The following PLXDC2 variants were observed in gnomAD, a reference collection of about 807,000 sequenced individuals.
PLXDC2 encodes plexin domain-containing protein 2.
Under a neutral mutation model 68.9 loss-of-function variants are expected in PLXDC2, and 40 were observed. That is an observed-to-expected ratio of 0.58 (90% CI 0.45 to 0.76). The LOEUF is 0.76. Among genes scored for constraint, PLXDC2 ranks in the 30% least tolerant of loss-of-function variants. The pLI is 0.00. For missense variants in PLXDC2, 644 were observed against 661.9 expected, an observed-to-expected ratio of 0.97 and a Z score of 0.30; for synonymous variants, 243 against 234.2, an observed-to-expected ratio of 1.04 and a Z score of -0.34.
chr10:20,230,693 CAAAAAAAAA>C (rs1191613913), intron 12 of PLXDC2, among the ~76,000 whole-genome samples: 2 of 37,802 alleles, frequency 5.3e-5, no homozygotes, highest in Non-Finnish European at 1.0e-4. Context: ...GACCTTGTCT[CAAAAAAAAA>C]AAAAAAAAAA....
At chr10:19,863,157 G>A (rs933338172) in intron 1 of PLXDC2, among the ~76,000 whole-genome samples, 4 of 152,098 alleles carry the variant, frequency 2.6e-5, no homozygotes, top group African/African-American at 7.2e-5. Flanking sequence ...TAATGGCATC[G>A]GAGAAACTAA....
At chr10:20,049,223 A>G (rs993784169) in intron 3 of PLXDC2, among the ~76,000 whole-genome samples, 1 of 152,144 alleles carries the variant, frequency 6.6e-6, no homozygotes, top group Non-Finnish European at 1.5e-5. Context: ...AAGTAATAAG[A>G]GCCATCTATG....
Position 20,046,858 on chromosome 10 carries a change from T to C in PLXDC2, c.325-11T>C. ...TCGGTTCTTGATATACATTATTATCTATTATTGCAGGAGGATACAGACCAC... is the reference window on the plus strand; with the variant it reads ...TCGGTTCTTGATATACATTATTATCCATTATTGCAGGAGGATACAGACCAC... On this transcript the variant is annotated splice_polypyrimidine_tract_variant and intron_variant, in intron 2 of 13. Transcript: ENST00000377252. 1 of 1,592,504 alleles carries C rather than the reference T, an allele frequency of 6.3e-7. No homozygotes were observed. Among genetic ancestry groups the C allele is most frequent in the Non-Finnish European group, 8.5e-7 (1 of 1,172,088 alleles).
chr10:19,882,105 A>G (rs1380580115), intron 1 of PLXDC2, among the ~76,000 whole-genome samples: 2 of 152,216 alleles, frequency 1.3e-5, no homozygotes, highest in African/African-American at 4.8e-5. Context: ...TGACTAGTAG[A>G]TGTTTCTCAT....
chr10:20,089,972 C>G (rs1331547053), intron 4 of PLXDC2, among the ~76,000 whole-genome samples: 1 of 152,118 alleles, frequency 6.6e-6, no homozygotes, highest in Non-Finnish European at 1.5e-5. Flanking sequence ...GAAGGCTCAT[C>G]GTTGCCTTGA....
chr10:20,096,501 C>T (rs1417187879), intron 4 of PLXDC2, among the ~76,000 whole-genome samples: 7 of 151,800 alleles, frequency 4.6e-5, no homozygotes, highest in African/African-American at 1.5e-4. Context: ...TTTAAACAGC[C>T]AGCAGCAGCA....
chr10:20,208,287 G>A (rs1170586924), intron 9 of PLXDC2, among the ~76,000 whole-genome samples: 1 of 152,152 alleles, frequency 6.6e-6, no homozygotes, highest in Non-Finnish European at 1.5e-5. Context: ...TCACAATCAT[G>A]GTGGAAGGCA....
In PLXDC2 at chr10:20,047,463, A is replaced by G. The variant is rs535067529; in HGVS notation, c.471+448A>G. On this transcript the variant is annotated intron_variant, in intron 3 of 13. Transcript: ENST00000377252. ...GTCATTTATGACTTAGATAACATAT[A>G]TAGACCAAATTATGATCTTAAATGA... is the stretch of plus-strand genomic sequence containing the variant. Among the ~76,000 whole-genome samples the G allele has an allele frequency of 5.3e-5, 8 of 152,306 alleles. No individual in the cohort carries two copies. The South Asian group carries it at 1.7e-3, about 32-fold the overall frequency.
rs1837860694 is a variant in PLXDC2, at chr10:19,887,093, A to T, written c.112+69902A>T. 2.0e-5 allele frequency among the ~76,000 whole-genome samples: 3 copies of T among 152,186 alleles called. No homozygotes were observed. The South Asian group carries it at 6.2e-4, about 31-fold the overall frequency. ...CCCAGAACACCCTACTTTGAAAACCACTAGTTAGGATATTGGTATGTGTTT... is the reference window on the plus strand; with the variant it reads ...CCCAGAACACCCTACTTTGAAAACCTCTAGTTAGGATATTGGTATGTGTTT... On this transcript the variant is annotated intron_variant, in intron 1 of 13. Coordinates refer to ENST00000377252, the MANE Select transcript of PLXDC2 (RefSeq NM_032812.9).
At chr10:19,969,350 T>A (rs1399435728) in intron 1 of PLXDC2, among the ~76,000 whole-genome samples, 2 of 152,252 alleles carry the variant, frequency 1.3e-5, no homozygotes, top group African/African-American at 4.8e-5. Context: ...TGATTTGAAC[T>A]GAAAATAGTC....
chr10:20,207,011 T>G (rs1835002955), intron 9 of PLXDC2, among the ~76,000 whole-genome samples: 1 of 152,162 alleles, frequency 6.6e-6, no homozygotes, highest in Admixed American at 6.6e-5. Context: ...ACACACATTC[T>G]TGTGCTTATA....
chr10:19,901,419 G>A (rs1457352349), intron 1 of PLXDC2, among the ~76,000 whole-genome samples: 2 of 152,098 alleles, frequency 1.3e-5, no homozygotes, highest in Non-Finnish European at 2.9e-5. Flanking sequence ...GCATTTCCCT[G>A]ATAATTGGTG....
chr10:19,908,457 T>G (rs1833206739), intron 1 of PLXDC2, among the ~76,000 whole-genome samples: 1 of 151,982 alleles, frequency 6.6e-6, no homozygotes, highest in African/African-American at 2.4e-5. Context: ...GCTGAAAGTT[T>G]ATATCTAAAA....
chr10:20,088,956 G>A (rs564376523), intron 4 of PLXDC2, among the ~76,000 whole-genome samples: 211 of 152,126 alleles, frequency 1.4e-3, no homozygotes, highest in Non-Finnish European at 2.6e-3. Context: ...ATCGCTTTTG[G>A]AATACTCAGG....
intron 1 of PLXDC2, among the ~76,000 whole-genome samples, chr10:19,853,281 A>G (rs941111809): frequency 1.3e-5 from 2 of 152,214 alleles, no homozygotes; most frequent in Admixed American, 1.3e-4. Flanking sequence ...TTATTGAATA[A>G]GAACTGCAAA....
At chr10:20,224,481 G>T (rs1042623407) in intron 12 of PLXDC2, among the ~76,000 whole-genome samples, 7 of 152,182 alleles carry the variant, frequency 4.6e-5, no homozygotes, top group Admixed American at 2.6e-4. Context: ...TTTGACATTT[G>T]ATTAGGTTGC....
At chr10:20,039,960 T>A (rs934088163) in intron 2 of PLXDC2, among the ~76,000 whole-genome samples, 23 of 152,234 alleles carry the variant, frequency 1.5e-4, no homozygotes, top group African/African-American at 5.5e-4. Context: ...GAAATAAAAA[T>A]AAAATTCTAA....
At chr10:19,907,939 C>T (rs762175652) in intron 1 of PLXDC2, among the ~76,000 whole-genome samples, 3 of 152,180 alleles carry the variant, frequency 2.0e-5, no homozygotes, top group African/African-American at 4.8e-5. Flanking sequence ...ACTGGTACCA[C>T]ATGGGCACCA....
chr10:20,205,081 T>C (rs1834973133), intron 9 of PLXDC2, among the ~76,000 whole-genome samples: 1 of 152,162 alleles, frequency 6.6e-6, no homozygotes, highest in Non-Finnish European at 1.5e-5. Context: ...AATTCCTATT[T>C]CTGAAATTCT....
Sources: allele counts gnomAD v4.1 joint callset (sites outside exome capture counted in the v4.1 genomes callset), GRCh38; gene constraint gnomAD v4.1.1; transcripts MANE v1.5; gene names NCBI Gene and HGNC (gene_info 2026-07-23, HGNC 2026-07-21).